Variants in PKN2 observed in about 807,000 individuals in gnomAD.
PKN2 encodes the protein serine/threonine-protein kinase N2.
A neutral mutation model predicts 119.1 loss-of-function variants in PKN2; 38 were observed. That is an observed-to-expected ratio of 0.32 (90% confidence interval 0.25 to 0.42). The LOEUF (loss-of-function observed/expected upper bound fraction) is 0.42, where lower values mean the gene tolerates loss of function less well. Ranked by LOEUF, PKN2 falls within the 10% of genes least tolerant of loss-of-function variation. The pLI is 1.00. For synonymous variants in PKN2, 390 were observed against 384.9 expected, an observed-to-expected ratio of 1.01 and a Z score of -0.15; for missense variants, 850 against 1,165.1, an observed-to-expected ratio of 0.73 and a Z score of 3.94.
Position 88,834,236 on chromosome 1 carries a change from A to T in PKN2, c.*788A>T, listed in dbSNP as rs1672851572. On this transcript the variant is annotated 3_prime_UTR_variant, in exon 22 of 22. Transcript: ENST00000370521. The stretch of plus-strand genomic sequence containing the variant: ...TATTGTTACCTGTATGCATTCCCAA[A>T]GTCTAGATGCTCAGTATGTTCAGTC... 1.3e-5 allele frequency: 2 copies of T among 152,060 alleles called. No individual in the cohort carries two copies. Among genetic ancestry groups the T allele is most frequent in the African/African-American group, 4.8e-5 (2 of 41,414 alleles). The allele number at this position is 152,060 out of a possible 1,614,324, so 9.4% of individuals were successfully genotyped here.
intron 6 of PKN2, among the ~76,000 whole-genome samples, chr1:88,772,756 C>T (rs1352559162): frequency 6.6e-6 from 1 of 152,088 alleles, no homozygotes; most frequent in East Asian, 1.9e-4. Flanking sequence ...TCAAACTGTT[C>T]TTCTCAGCAT....
At chr1:88,828,428 TATGCTAGA>T in intron 18 of PKN2, 45 bp from the exon 19 acceptor site, 2 of 1,487,982 alleles carry the variant, frequency 1.3e-6, no homozygotes, top group Non-Finnish European at 1.8e-6. Flanking sequence ...ATTTTTTTTT[TATGCTAGA>T]TTTGTTTTCT....
intron 1 of PKN2, among the ~76,000 whole-genome samples, chr1:88,687,945 A>G (rs1666169292): frequency 6.6e-6 from 1 of 152,196 alleles, no homozygotes; most frequent in Admixed American, 6.5e-5. Flanking sequence ...ACCTTATTTG[A>G]TCTTCACAAC....
At chr1:88,719,355 G>A (rs1667576922) in intron 1 of PKN2, among the ~76,000 whole-genome samples, 2 of 152,114 alleles carry the variant, frequency 1.3e-5, no homozygotes, top group Non-Finnish European at 2.9e-5. Context: ...CCAGCTCGGA[G>A]TAACTAACAA....
chr1:88,729,656 A>ACTCATTTTTAGTAGAGTCAAAGT (rs1261764200), intron 1 of PKN2, among the ~76,000 whole-genome samples: 1 of 152,178 alleles, frequency 6.6e-6, no homozygotes, highest in Non-Finnish European at 1.5e-5. Context: ...TGAAGCCTGT[A>ACTCATTTTTAGTAGAGTCAAAGT]CTTGGAACTC....
At chr1:88,817,796 C>A (rs551989302) in intron 16 of PKN2, among the ~76,000 whole-genome samples, 1 of 149,858 alleles carries the variant, frequency 6.7e-6, no homozygotes, top group Non-Finnish European at 1.5e-5. Flanking sequence ...GTTGATGGGA[C>A]GTATCTCAAA....
chr1:88,753,271 A>C (rs1232139037), intron 2 of PKN2, among the ~76,000 whole-genome samples: 1 of 152,166 alleles, frequency 6.6e-6, no homozygotes, highest in East Asian at 1.9e-4. Context: ...AATCACTGAA[A>C]TCTAAGCCAC....
chr1:88,709,948 A>G (rs1667158549), intron 1 of PKN2, among the ~76,000 whole-genome samples: 1 of 152,210 alleles, frequency 6.6e-6, no homozygotes, highest in Non-Finnish European at 1.5e-5. Flanking sequence ...GAGAAGGGAC[A>G]GGTAAAAAAA....
intron 7 of PKN2, among the ~76,000 whole-genome samples, chr1:88,785,271 G>A (rs989525942): frequency 2.0e-5 from 3 of 152,132 alleles, no homozygotes; most frequent in African/African-American, 7.2e-5. Context: ...TGGGACTATA[G>A]GCATATGCCA....
intron 6 of PKN2, 84 bp from the exon 7 acceptor site, chr1:88,784,555 T>C (rs1264789189): frequency 3.6e-6 from 3 of 830,260 alleles, no homozygotes; most frequent in East Asian, 6.0e-5. Flanking sequence ...TTTTTTTCTT[T>C]TTTTGAATAG....
intron 1 of PKN2, among the ~76,000 whole-genome samples, chr1:88,702,291 A>G (rs1284325128): frequency 1.3e-5 from 2 of 152,154 alleles, no homozygotes; most frequent in Non-Finnish European, 2.9e-5. Flanking sequence ...ATAAGCTTAA[A>G]ATGGGATAGT....
chr1:88,799,197 A>G (rs1388451290), intron 8 of PKN2, among the ~76,000 whole-genome samples: 1 of 152,162 alleles, frequency 6.6e-6, no homozygotes, highest in Non-Finnish European at 1.5e-5. Flanking sequence ...TGTCTTTCCT[A>G]TAAAGGGAGC....
chr1:88,821,917 CT>C (rs1672308392), intron 16 of PKN2, 23 bp from the exon 17 acceptor site: 1 of 1,535,060 alleles, frequency 6.5e-7, no homozygotes, highest in Non-Finnish European at 8.7e-7. Flanking sequence ...TATTAAACTC[CT>C]GTTGATTTAA....
chr1:88,773,081 A>T (rs1669957328), intron 6 of PKN2, among the ~76,000 whole-genome samples: 1 of 152,118 alleles, frequency 6.6e-6, no homozygotes, highest in African/African-American at 2.4e-5. Context: ...TTTGTCTCCT[A>T]TAACAATATT....
At chr1:88,756,294 A>T (rs552052929) in intron 2 of PKN2, among the ~76,000 whole-genome samples, 47 of 152,316 alleles carry the variant, frequency 3.1e-4, no homozygotes, top group Middle Eastern at 3.4e-3. Flanking sequence ...GTGCTTCCAG[A>T]GATGAGACTT....
At chr1:88,803,235 A>G (rs146712862) in intron 8 of PKN2, among the ~76,000 whole-genome samples, 1,693 of 152,294 alleles carry the variant, frequency 0.011, 27 homozygotes, top group African/African-American at 0.039. Flanking sequence ...ACCCTCTGGC[A>G]CATTGTATTT....
At chr1:88,785,439 G>A (rs1413301216) in intron 7 of PKN2, among the ~76,000 whole-genome samples, 1 of 152,066 alleles carries the variant, frequency 6.6e-6, no homozygotes, top group Non-Finnish European at 1.5e-5. Context: ...TCTTTTAATG[G>A]TTTAGTGACA....
At chr1:88,712,695 T>G (rs1667281852) in intron 1 of PKN2, among the ~76,000 whole-genome samples, 1 of 152,226 alleles carries the variant, frequency 6.6e-6, no homozygotes, top group Non-Finnish European at 1.5e-5. Context: ...AGAATCCATT[T>G]AAGACACTAA....
In PKN2 at chr1:88,810,729, C is replaced by T. The variant is rs112151808; in HGVS notation, c.2103-2828C>T. On this transcript the variant is annotated intron_variant, in intron 15 of 21. Transcript: ENST00000370521. ...TCAAGCGATTCTCCTTCCTTAGCCT[C>T]CCAAGTAGCCAGGATTACAGGTGTG... Among the ~76,000 whole-genome samples, 1,500 of 152,190 alleles carry T rather than the reference C, an allele frequency of 9.9e-3. 20 individuals carry two copies. Among genetic ancestry groups the T allele is most frequent in the African/African-American group, 0.034 (1,417 of 41,522 alleles).
Sources: gnomAD v4.1 joint callset for allele counts (sites outside exome capture counted in the v4.1 genomes callset) on GRCh38, gnomAD v4.1.1 for gene constraint, MANE v1.5 for transcripts, NCBI Gene and HGNC (gene_info 2026-07-23, HGNC 2026-07-21) for gene names.